Variants in GABRB1 observed in about 807,000 individuals in gnomAD.
GABRB1 encodes the protein gamma-aminobutyric acid type A receptor subunit beta1, also known as gamma-aminobutyric acid receptor subunit beta-1.
GABRB1 carries 17 observed loss-of-function variants against 51.6 expected under a neutral mutation model. The ratio of observed to expected loss-of-function variants is 0.33; its 90% CI spans 0.23 to 0.49. GABRB1 has a LOEUF of 0.49. Among genes scored for constraint, GABRB1 ranks in the 20% least tolerant of loss-of-function variants. GABRB1 has a pLI of 0.99. For missense variants in GABRB1, 410 were observed against 600.6 expected (o/e 0.68, Z 3.32); for synonymous variants, 247 against 218.9 (o/e 1.13, Z -1.14).
intron 1 of GABRB1, among the ~76,000 whole-genome samples, chr4:47,016,882 G>A (rs1724764100): frequency 6.6e-6 from 1 of 152,176 alleles, no homozygotes; most frequent in Non-Finnish European, 1.5e-5. Context: ...GAGCCACTGT[G>A]CCTGGCCTGT....
intron 5 of GABRB1, among the ~76,000 whole-genome samples, chr4:47,392,385 C>T (rs1288881635): frequency 7.0e-6 from 1 of 143,364 alleles, no homozygotes; most frequent in African/African-American, 2.6e-5. Flanking sequence ...AGTCACCAGG[C>T]TGAATGAAGT....
intron 4 of GABRB1, among the ~76,000 whole-genome samples, chr4:47,235,986 A>G (rs915017734): frequency 6.6e-6 from 1 of 152,096 alleles, no homozygotes. Flanking sequence ...GATTGAAGTG[A>G]ACCATCCTAG....
chr4:47,051,936 C>T (rs141290013), intron 3 of GABRB1, among the ~76,000 whole-genome samples: 4 of 152,102 alleles, frequency 2.6e-5, no homozygotes, highest in African/African-American at 7.2e-5. Context: ...CAAGATGAGC[C>T]TGACCAATAT....
At chr4:47,023,848 TA>T (rs1199661614) in intron 1 of GABRB1, among the ~76,000 whole-genome samples, 2 of 151,956 alleles carry the variant, frequency 1.3e-5, no homozygotes, top group Non-Finnish European at 2.9e-5. Flanking sequence ...AGTAAGGGTG[TA>T]AACTAATAAC....
intron 5 of GABRB1, among the ~76,000 whole-genome samples, chr4:47,361,150 T>C (rs1726791690): frequency 6.6e-6 from 1 of 152,046 alleles, no homozygotes; most frequent in African/African-American, 2.4e-5. Context: ...AAAATAGTGG[T>C]GCATCGCATG....
intron 4 of GABRB1, among the ~76,000 whole-genome samples, chr4:47,299,506 C>T (rs1470028538): frequency 1.3e-5 from 2 of 152,016 alleles, no homozygotes; most frequent in African/African-American, 4.8e-5. Flanking sequence ...TCATCACTGG[C>T]CATCAGAGAA....
At chr4:47,270,221 G>A (rs1327170366) in intron 4 of GABRB1, among the ~76,000 whole-genome samples, 1 of 152,156 alleles carries the variant, frequency 6.6e-6, no homozygotes, top group Non-Finnish European at 1.5e-5. Context: ...GCCTTAGGAT[G>A]CCATTTTCCA....
At chr4:47,169,219 G>C (rs1335293510) in intron 4 of GABRB1, among the ~76,000 whole-genome samples, 3 of 151,984 alleles carry the variant, frequency 2.0e-5, no homozygotes, top group Non-Finnish European at 4.4e-5. Flanking sequence ...CTTTATTTAT[G>C]AACTATACTA....
intron 4 of GABRB1, among the ~76,000 whole-genome samples, chr4:47,204,518 T>C (rs1346837168): frequency 6.6e-6 from 1 of 152,054 alleles, no homozygotes; most frequent in Non-Finnish European, 1.5e-5. Context: ...AACCCAAACA[T>C]ACTTGATATG....
chr4:47,349,409 G>C (rs1198991823), intron 5 of GABRB1, among the ~76,000 whole-genome samples: 1 of 152,088 alleles, frequency 6.6e-6, no homozygotes, highest in African/African-American at 2.4e-5. Context: ...AAGGACAGTA[G>C]TACCTCCCTT....
intron 5 of GABRB1, among the ~76,000 whole-genome samples, chr4:47,397,577 T>C (rs935517374): frequency 6.6e-6 from 1 of 152,086 alleles, no homozygotes; most frequent in Admixed American, 6.6e-5. Context: ...CTTTTTTTTT[T>C]CTTTTTTGAG....
At chr4:47,100,357 G>A (rs1714669457) in intron 3 of GABRB1, among the ~76,000 whole-genome samples, 2 of 152,054 alleles carry the variant, frequency 1.3e-5, no homozygotes, top group African/African-American at 4.8e-5. Flanking sequence ...AGGATATAGG[G>A]TCTGGGGAGA....
intron 1 of GABRB1, among the ~76,000 whole-genome samples, chr4:46,999,561 G>C (rs1455643802): frequency 6.6e-6 from 1 of 152,026 alleles, no homozygotes; most frequent in Non-Finnish European, 1.5e-5. Flanking sequence ...AAGGAAATAA[G>C]ATATATGTTT....
intron 3 of GABRB1, among the ~76,000 whole-genome samples, chr4:47,120,066 C>T (rs1338146302): frequency 1.3e-5 from 2 of 151,988 alleles, no homozygotes; most frequent in African/African-American, 4.8e-5. Flanking sequence ...CAAAAATATT[C>T]ATGATCTGCA....
At chr4:47,240,811 T>C (rs1236674803) in intron 4 of GABRB1, among the ~76,000 whole-genome samples, 1 of 152,208 alleles carries the variant, frequency 6.6e-6, no homozygotes, top group African/African-American at 2.4e-5. Flanking sequence ...CAGCACCCGG[T>C]AGTTAGAGGC....
intron 5 of GABRB1, among the ~76,000 whole-genome samples, chr4:47,359,032 T>C (rs1049832324): frequency 1.4e-4 from 22 of 152,222 alleles, no homozygotes; most frequent in African/African-American, 5.3e-4. Context: ...TTTTAGGTTT[T>C]GTCCCACAAG....
chr4:47,107,847 T>C (rs1014827365), intron 3 of GABRB1, among the ~76,000 whole-genome samples: 2 of 152,072 alleles, frequency 1.3e-5, no homozygotes, highest in African/African-American at 4.8e-5. Flanking sequence ...AAAGAGCTCA[T>C]ATTTTAGGAG....
chr4:47,215,759 CA>C, intron 4 of GABRB1, among the ~76,000 whole-genome samples: 1 of 151,984 alleles, frequency 6.6e-6, no homozygotes, highest in Non-Finnish European at 1.5e-5. Flanking sequence ...AACTTATTTA[CA>C]AGAAATAAAC....
At chr4:47,252,937 GA>G (rs1722049917) in intron 4 of GABRB1, among the ~76,000 whole-genome samples, 1 of 152,062 alleles carries the variant, frequency 6.6e-6, no homozygotes, top group African/African-American at 2.4e-5. Flanking sequence ...AACAATAATA[GA>G]AAACTTTTTA....
Sources: allele counts gnomAD v4.1 joint callset (sites outside exome capture counted in the v4.1 genomes callset), GRCh38; gene constraint gnomAD v4.1.1; transcripts MANE v1.5; gene names NCBI Gene and HGNC (gene_info 2026-07-23, HGNC 2026-07-21).